Variants in TNR observed in about 807,000 individuals in gnomAD.
The protein encoded by TNR is tenascin-R.
A neutral mutation model predicts 150.4 loss-of-function variants in TNR; 45 were observed. The observed-to-expected ratio is 0.30, with a 90% CI of 0.24 to 0.38. The LOEUF is 0.38. Among genes scored for constraint, TNR ranks in the 10% least tolerant of loss-of-function variants. TNR has a pLI of 1.00. For synonymous variants in TNR, 687 were observed against 678.4 expected, an observed-to-expected ratio of 1.01 and a Z score of -0.20; for missense variants, 1,544 against 1,759.1, an observed-to-expected ratio of 0.88 and a Z score of 2.19.
chr1:175,625,967 C>CG (rs34922390), intron 1 of TNR, among the ~76,000 whole-genome samples: 24 of 151,786 alleles, frequency 1.6e-4, no homozygotes, highest in African/African-American at 4.6e-4. Context: ...GGGAGGGACC[C>CG]GGGGGGGAGG....
At chr1:175,401,182 T>C (rs894403216) in intron 4 of TNR, among the ~76,000 whole-genome samples, 8 of 152,194 alleles carry the variant, frequency 5.3e-5, no homozygotes, top group African/African-American at 1.9e-4. Context: ...TCAGTGTAAG[T>C]CCTGGATTAG....
At chr1:175,458,994 TCACCACCAC>T (rs1656693454) in intron 2 of TNR, among the ~76,000 whole-genome samples, 2 of 150,778 alleles carry the variant, frequency 1.3e-5, no homozygotes, top group African/African-American at 4.9e-5. Context: ...AACCAAACCA[TCACCACCAC>T]CACTACCACC....
intron 1 of TNR, among the ~76,000 whole-genome samples, chr1:175,589,537 A>C (rs1662711957): frequency 1.3e-5 from 2 of 152,260 alleles, no homozygotes; most frequent in Non-Finnish European, 2.9e-5. Context: ...AAATTAATGC[A>C]AAAAGTATGC....
intron 2 of TNR, among the ~76,000 whole-genome samples, chr1:175,475,225 T>A (rs758169612): frequency 6.6e-6 from 1 of 152,196 alleles, no homozygotes; most frequent in East Asian, 1.9e-4. Context: ...CTTCTCCATA[T>A]CTTTCATCTG....
rs371037154 is a variant in TNR, at chr1:175,403,192, C to A, written c.924G>T (p.Glu308Asp). 8.6e-5 allele frequency: 138 copies of A among 1,613,990 alleles called. No homozygotes were observed. Among genetic ancestry groups the A allele is most frequent in the Non-Finnish European group, 1.2e-4 (136 of 1,180,016 alleles). ...LNACSGRGQC[E>D]EGLCVCEEGY... The stretch of plus-strand genomic sequence containing the variant: ...CCTCTTCACAGACGCAGAGCCCCTC[C>A]TCACATTGTCCTCGCCCACTGCAGG... Residue 308 changes from glutamate (E) to aspartate (D), a missense_variant, in exon 4 of 23, where the codon GAG (glutamate) becomes GAT (aspartate). Glu to Asp is a conservative substitution (Grantham distance 45, BLOSUM62 2). Around this residue, in one of 2 missense-constraint regions of TNR, gnomAD observed 1,254 missense variants for 1,329.4 expected, o/e 0.94. Coordinates refer to ENST00000367674, the MANE Select transcript of TNR (RefSeq NM_003285.3).
chr1:175,403,113 A>G (rs2102045209), intron 4 of TNR, 27 bp downstream of exon 4: 2 of 1,578,770 alleles, frequency 1.3e-6, no homozygotes, highest in South Asian at 2.3e-5. Flanking sequence ...ACCCTTGCCA[A>G]ACACCCCAGA....
intron 2 of TNR, among the ~76,000 whole-genome samples, chr1:175,461,282 T>A (rs1401698969): frequency 6.6e-6 from 1 of 152,196 alleles, no homozygotes; most frequent in Non-Finnish European, 1.5e-5. Flanking sequence ...TTACTGGGAC[T>A]AAGATTTATA....
In TNR at chr1:175,346,000, G is replaced by A. The variant is rs556819560; in HGVS notation, c.3383-8321C>T. ...CATTCGACTTCTCAATGGCAACACT[G>A]CATTTGAGAAGATAATGGAATAGTA... On this transcript the variant is annotated intron_variant, in intron 18 of 22. Coordinates refer to ENST00000367674, the MANE Select transcript of TNR (RefSeq NM_003285.3). 2.1e-3 allele frequency among the ~76,000 whole-genome samples: 319 copies of A among 152,248 alleles called. 1 individual carries two copies. The highest frequency in any genetic ancestry group is 3.5e-3 in the Non-Finnish European group (239 of 68,014).
intron 1 of TNR, among the ~76,000 whole-genome samples, chr1:175,597,325 G>A (rs1410204055): frequency 6.6e-6 from 1 of 152,128 alleles, no homozygotes; most frequent in Non-Finnish European, 1.5e-5. Context: ...AACCTCACGT[G>A]AGGAACAGCA....
At chr1:175,341,453 T>C (rs1224734265) in intron 18 of TNR, among the ~76,000 whole-genome samples, 2 of 152,168 alleles carry the variant, frequency 1.3e-5, no homozygotes, top group Admixed American at 6.5e-5. Context: ...CTAGATGTAA[T>C]TGTGAGATCA....
chr1:175,504,292 G>A (rs1012640647), intron 2 of TNR, among the ~76,000 whole-genome samples: 5 of 152,052 alleles, frequency 3.3e-5, no homozygotes, highest in South Asian at 2.1e-4. Flanking sequence ...CATTATCTCT[G>A]TATCCCTTAC....
At chr1:175,338,898 C>T (rs1163783969) in intron 18 of TNR, among the ~76,000 whole-genome samples, 2 of 152,158 alleles carry the variant, frequency 1.3e-5, no homozygotes, top group African/African-American at 4.8e-5. Context: ...GTGTTAACTG[C>T]CCCCGCACCA....
chr1:175,723,322 G>C (rs1667368035), intron 1 of TNR, among the ~76,000 whole-genome samples: 2 of 152,114 alleles, frequency 1.3e-5, no homozygotes, highest in Non-Finnish European at 2.9e-5. Flanking sequence ...TTCTAAAAAG[G>C]GGTCCTCAGA....
intron 1 of TNR, among the ~76,000 whole-genome samples, chr1:175,542,083 G>A (rs1440965049): frequency 6.6e-6 from 1 of 152,188 alleles, no homozygotes; most frequent in East Asian, 1.9e-4. Context: ...GTGGTGCTCA[G>A]CTTGGCATGC....
chr1:175,722,810 G>A (rs73035473), intron 1 of TNR, among the ~76,000 whole-genome samples: 42,928 of 144,886 alleles, frequency 0.3, 6,256 homozygotes, highest in Middle Eastern at 0.4. Flanking sequence ...CCCTGCCCCC[G>A]AGACAGAGTC....
intron 1 of TNR, among the ~76,000 whole-genome samples, chr1:175,715,944 C>T (rs190995059): frequency 1.3e-5 from 2 of 152,308 alleles, no homozygotes. Context: ...ATCAGTGAAG[C>T]TTCGTGTCTG....
intron 1 of TNR, among the ~76,000 whole-genome samples, chr1:175,671,439 G>T (rs1665693084): frequency 6.6e-6 from 1 of 152,172 alleles, no homozygotes; most frequent in South Asian, 2.1e-4. Flanking sequence ...GACCCTTTCT[G>T]GGTTGGCAGA....
chr1:175,382,063 C>T (rs1009659658), intron 8 of TNR, among the ~76,000 whole-genome samples: 21 of 152,186 alleles, frequency 1.4e-4, no homozygotes, highest in Non-Finnish European at 2.6e-4. Context: ...CTTTTCAAAC[C>T]GCTTGATCCA....
At chr1:175,573,860 C>G (rs186644766) in intron 1 of TNR, among the ~76,000 whole-genome samples, 1 of 152,206 alleles carries the variant, frequency 6.6e-6, no homozygotes, top group Admixed American at 6.5e-5. Flanking sequence ...GCTCTGCCTT[C>G]TCTGAATGGC....
Sources: allele counts gnomAD v4.1 joint callset (sites outside exome capture counted in the v4.1 genomes callset), GRCh38; gene constraint gnomAD v4.1.1; regional missense constraint gnomAD v4.1.1; transcripts MANE v1.5; gene names NCBI Gene and HGNC (gene_info 2026-07-23, HGNC 2026-07-21).